Variants in DISP3 observed in about 807,000 individuals in gnomAD.
The protein encoded by DISP3 is protein dispatched homolog 3.
A neutral mutation model predicts 135.3 loss-of-function variants in DISP3; 101 were observed. That is an observed-to-expected ratio of 0.75 (90% CI 0.64 to 0.88). DISP3 has a LOEUF of 0.88. DISP3 is among the 40% of genes least tolerant of loss of function. The pLI is 0.00. For synonymous variants in DISP3, 856 were observed against 817.0 expected (o/e 1.05, Z -0.81); for missense variants, 1,713 against 1,878.6 (o/e 0.91, Z 1.63).
intron 1 of DISP3, among the ~76,000 whole-genome samples, chr1:11,487,890 A>G (rs926421227): frequency 3.9e-5 from 6 of 152,050 alleles, no homozygotes; most frequent in Non-Finnish European, 7.4e-5. Context: ...GACCTTCTCA[A>G]CTGGTTCCCC....
rs1641175707 is a variant in DISP3 at position 11,491,307 on chromosome 1, T to G, written c.-3-9683T>G. On this transcript the variant is annotated intron_variant, in intron 1 of 20. Coordinates refer to ENST00000294484, the MANE Select transcript of DISP3 (RefSeq NM_020780.2). The surrounding 1 kb of genome is among the most constrained non-coding windows in gnomAD (Gnocchi z 4.3). The stretch of plus-strand genomic sequence containing the variant: ...TATCAGAATCACCTGGGGAGGTGGT[T>G]TAAATACAGATTCCAGGTTGGGCAT... Among the ~76,000 whole-genome samples, 1 of 152,112 alleles carries G rather than the reference T, an allele frequency of 6.6e-6. No individual in the cohort carries two copies. Among genetic ancestry groups the G allele is most frequent in the African/African-American group, 2.4e-5 (1 of 41,408 alleles).
At chr1:11,518,884 G>T (rs1452326594) in intron 7 of DISP3, among the ~76,000 whole-genome samples, 2 of 152,152 alleles carry the variant, frequency 1.3e-5, no homozygotes, top group African/African-American at 4.8e-5. Context: ...CAGCCGTGAG[G>T]ATTATTCTGG....
chr1:11,484,013 A>G (rs1640971428), intron 1 of DISP3, among the ~76,000 whole-genome samples: 1 of 152,292 alleles, frequency 6.6e-6, no homozygotes, highest in South Asian at 2.1e-4. Flanking sequence ...TCCAAACCAC[A>G]CCAGGGAAGG....
intron 12 of DISP3, among the ~76,000 whole-genome samples, chr1:11,526,243 T>C (rs768519766): frequency 6.6e-5 from 10 of 152,224 alleles, no homozygotes; most frequent in Non-Finnish European, 1.3e-4. Flanking sequence ...TCAACATGCC[T>C]GTTGGTCCCC....
intron 1 of DISP3, among the ~76,000 whole-genome samples, chr1:11,490,993 A>G (rs1045669406): frequency 6.6e-6 from 1 of 152,034 alleles, no homozygotes; most frequent in African/African-American, 2.4e-5. Flanking sequence ...TACCAAGAAG[A>G]GCTATTTGGC....
rs981274235 is a variant in DISP3, at chr1:11,531,919, G to C, written c.3375+209G>C. On this transcript the variant is annotated intron_variant, in intron 17 of 20. Coordinates refer to ENST00000294484, the MANE Select transcript of DISP3 (RefSeq NM_020780.2). This position sits in a 1 kb window ranked among gnomAD's most constrained non-coding sequence, Gnocchi z 5.2. The stretch of plus-strand genomic sequence containing the variant: ...CAGAGCTCTGCCCTTTCTTCCCCAT[G>C]GGCGGCCTGCCAGTTCCCTTCCACC... Among the ~76,000 whole-genome samples, 23 of 152,200 alleles carry C rather than the reference G, an allele frequency of 1.5e-4. No individual in the cohort carries two copies. The highest frequency in any genetic ancestry group is 5.5e-4 in the African/African-American group (23 of 41,446).
chr1:11,511,065 A>G (rs1374421033), intron 3 of DISP3, among the ~76,000 whole-genome samples: 2 of 152,216 alleles, frequency 1.3e-5, no homozygotes, highest in East Asian at 1.9e-4. Flanking sequence ...CCATGATTCA[A>G]TTACCTCCTC....
chr1:11,519,955 C>G lies in DISP3; in HGVS notation c.2200+75C>G, dbSNP rs1230473285. On this transcript the variant is annotated intron_variant, in intron 9 of 20. Coordinates refer to ENST00000294484, the MANE Select transcript of DISP3 (RefSeq NM_020780.2). The surrounding 1 kb of genome is among the most constrained non-coding windows in gnomAD (Gnocchi z 4.3). The stretch of plus-strand genomic sequence containing the variant: ...AACACACAGGAACTGGGAGCCCACC[C>G]CCTCTCGCAGATGCCCCAGGGTCAG... 1 of 1,454,310 alleles carries G rather than the reference C, an allele frequency of 6.9e-7. No homozygotes were observed. Among genetic ancestry groups the G allele is most frequent in the African/African-American group, 1.4e-5 (1 of 71,478 alleles). 90.1% of individuals were successfully genotyped at this position (1,454,310 alleles called of 1,614,324 possible).
intron 19 of DISP3, 84 bp downstream of exon 19, chr1:11,535,208 G>A: frequency 1.5e-6 from 2 of 1,304,590 alleles, no homozygotes; most frequent in South Asian, 1.3e-5. Flanking sequence ...TAGCCTCCAG[G>A]CCTCTGAACC....
chr1:11,523,695 C>T (rs113801149), intron 10 of DISP3, among the ~76,000 whole-genome samples: 6 of 151,860 alleles, frequency 4.0e-5, no homozygotes, highest in South Asian at 4.2e-4. Flanking sequence ...GAGCAGGGAG[C>T]GTTTCAGTGT....
chr1:11,498,638 G>T (rs1463919696), intron 1 of DISP3, among the ~76,000 whole-genome samples: 6 of 152,174 alleles, frequency 3.9e-5, no homozygotes, highest in African/African-American at 1.4e-4. Context: ...GGCAGATATT[G>T]TTGCAGCCAT....
chr1:11,497,898 CTTCT>C lies in DISP3; in HGVS notation c.-3-3089_-3-3086del, dbSNP rs369415748. Among the ~76,000 whole-genome samples, 280 of 152,284 alleles carry C rather than the reference CTTCT, an allele frequency of 1.8e-3. 3 individuals carry two copies. In the Middle Eastern group the frequency reaches 0.058, roughly 31 times the overall value. ...CCAAGTTCATCGGAGACTCCTTTTC[CTTCT>C]TTGTCTCAACAAATATCTGACTGCC... On this transcript the variant is annotated intron_variant, in intron 1 of 20. Coordinates refer to ENST00000294484, the MANE Select transcript of DISP3 (RefSeq NM_020780.2).
In DISP3 at chr1:11,501,717, T is replaced by A; in HGVS notation, c.725T>A (p.Val242Asp). 1 of 1,597,774 alleles carries A rather than the reference T, an allele frequency of 6.3e-7. No homozygotes were observed. ...YQPSIPPHAA[V>D]AANQSRARRG... ...CCCAGCATCCCGCCCCACGCGGCAG[T>A]CGCGGCCAATCAGAGCCGTGCCCGC... Residue 242 changes from valine (V) to aspartate (D), a missense_variant, in exon 2 of 21, where the codon GTC (valine) becomes GAC (aspartate). Around this residue, in one of 2 missense-constraint regions of DISP3, gnomAD observed 571 missense variants for 494.1 expected, o/e 1.16. Transcript: ENST00000294484. This position sits in a 1 kb window ranked among gnomAD's most constrained non-coding sequence, Gnocchi z 4.9.
intron 1 of DISP3, among the ~76,000 whole-genome samples, chr1:11,481,097 C>G (rs1640893837): frequency 1.3e-5 from 2 of 150,768 alleles, no homozygotes; most frequent in Non-Finnish European, 3.0e-5. Context: ...GCACATGCAC[C>G]CTCTTTTTTT....
intron 1 of DISP3, among the ~76,000 whole-genome samples, chr1:11,493,162 T>C (rs1320171502): frequency 6.6e-6 from 1 of 152,136 alleles, no homozygotes; most frequent in Non-Finnish European, 1.5e-5. Flanking sequence ...GGAGAGCTGA[T>C]GGTATAGTTG....
chr1:11,525,112 C>T (rs1048090898), intron 11 of DISP3, 64 bp from the exon 12 acceptor site: 6 of 1,591,862 alleles, frequency 3.8e-6, no homozygotes, highest in Non-Finnish European at 5.2e-6. Flanking sequence ...GTGGGCTGCT[C>T]CAGGGTCAGG....
chr1:11,482,496 A>G (rs966328512), intron 1 of DISP3, among the ~76,000 whole-genome samples: 2 of 152,134 alleles, frequency 1.3e-5, no homozygotes, highest in African/African-American at 4.8e-5. Context: ...CTGAGCAAGG[A>G]GGTGGTGTCC....
chr1:11,534,757 AC>A (rs1642662977), intron 18 of DISP3: 9 of 775,158 alleles, frequency 1.2e-5, no homozygotes, highest in Admixed American at 2.3e-5. Context: ...GACTTTGGCC[AC>A]CTAAAAAGTA....
rs560268267 is a variant in DISP3, at chr1:11,531,537, G to C, written c.3230-28G>C. On this transcript the variant is annotated intron_variant, in intron 16 of 20. Coordinates refer to ENST00000294484, the MANE Select transcript of DISP3 (RefSeq NM_020780.2). This position sits in a 1 kb window ranked among gnomAD's most constrained non-coding sequence, Gnocchi z 5.2. The stretch of plus-strand genomic sequence containing the variant: ...GGACAGGCTCTTCCAGGGCCACCAC[G>C]CACTCCCTTTCTTGCCTCTCCCCGC... 8 of 1,612,872 alleles carry C rather than the reference G, an allele frequency of 5.0e-6. No individual in the cohort carries two copies. The Admixed American group carries it at 8.3e-5, about 17-fold the overall frequency.
Sources: gnomAD v4.1 joint callset for allele counts (sites outside exome capture counted in the v4.1 genomes callset) on GRCh38, gnomAD v4.1.1 for gene constraint, gnomAD v4.1.1 regional missense constraint, Gnocchi (gnomAD v3.1) non-coding constraint, MANE v1.5 for transcripts, NCBI Gene and HGNC (gene_info 2026-07-23, HGNC 2026-07-21) for gene names.